EYS: variants seen among roughly 807,000 people sequenced by gnomAD.
The protein encoded by EYS is EGF-like photoreceptor maintenance factor.
EYS carries 250 observed loss-of-function variants against 282.1 expected under a neutral mutation model. The observed-to-expected ratio is 0.89, with a 90% CI of 0.80 to 0.98. EYS has a LOEUF of 0.98. Among genes scored for constraint, EYS ranks in the 50% least tolerant of loss-of-function variants. EYS has a pLI of 0.00. For synonymous variants in EYS, 1,355 were observed against 1,282.9 expected (o/e 1.06, Z -1.20); for missense variants, 4,016 against 3,709.0 (o/e 1.08, Z -2.15).
chr6:63,727,706 C>CAAAAAAA lies in EYS; in HGVS notation c.8072-1033_8072-1027dup, dbSNP rs1169878020. On this transcript the variant is annotated intron_variant, in intron 41 of 42. Transcript: ENST00000503581. ...AGCAACATGGCGAAACACCATCTCT[C>CAAAAAAA]AAAAAAAAAAAAAAAAAAAAAAAAA... Among the ~76,000 whole-genome samples, 15 of 9,526 alleles carry CAAAAAAA rather than the reference C, an allele frequency of 1.6e-3. 4 individuals are homozygous for CAAAAAAA. The highest frequency in any genetic ancestry group is 3.9e-3 in the South Asian group (1 of 254). The allele number at this position is 9,526 out of a possible 152,430, so 6.2% of individuals were successfully genotyped here.
intron 5 of EYS, among the ~76,000 whole-genome samples, chr6:65,405,952 G>C (rs1440299276): frequency 6.6e-6 from 1 of 152,014 alleles, no homozygotes; most frequent in Non-Finnish European, 1.5e-5. Context: ...GGAATTGCTG[G>C]ATTTTATGGA....
At chr6:65,599,962 T>C (rs1272444549) in intron 2 of EYS, among the ~76,000 whole-genome samples, 1 of 152,090 alleles carries the variant, frequency 6.6e-6, no homozygotes, top group Non-Finnish European at 1.5e-5. Context: ...CATCTGCTAG[T>C]GATCACTGCT....
rs150150417 is a variant in EYS at position 65,538,132 on chromosome 6, A to G, written c.-332-42139T>C. Among the ~76,000 whole-genome samples, 101 of 152,316 alleles carry G rather than the reference A, an allele frequency of 6.6e-4. 1 individual carries two copies. The East Asian group carries it at 0.019, about 28-fold the overall frequency. On this transcript the variant is annotated intron_variant, in intron 2 of 42. Transcript: ENST00000503581. ...TGTACTTTAAAGAGTTTCTAGCAAAATAAGTGTTTAATATTGGTGGACAAT... is the reference window on the plus strand; with the variant it reads ...TGTACTTTAAAGAGTTTCTAGCAAAGTAAGTGTTTAATATTGGTGGACAAT...
intron 33 of EYS, among the ~76,000 whole-genome samples, chr6:64,008,909 A>G (rs569444181): frequency 1.2e-4 from 19 of 152,238 alleles, no homozygotes; most frequent in Admixed American, 1.2e-3. Flanking sequence ...CTTTTAATGT[A>G]TTTCAACCTT....
intron 28 of EYS, among the ~76,000 whole-genome samples, chr6:64,431,070 A>G (rs1405009158): frequency 6.6e-6 from 1 of 152,154 alleles, no homozygotes; most frequent in Non-Finnish European, 1.5e-5. Flanking sequence ...GCCATTTGCC[A>G]GGAGCAAAGA....
At chr6:64,376,518 A>G (rs991223698) in intron 29 of EYS, among the ~76,000 whole-genome samples, 1 of 152,232 alleles carries the variant, frequency 6.6e-6, no homozygotes, top group Non-Finnish European at 1.5e-5. Context: ...ACGCATACTG[A>G]GAATTCCAAC....
intron 12 of EYS, among the ~76,000 whole-genome samples, chr6:65,238,053 T>C (rs1162544880): frequency 6.6e-6 from 1 of 151,982 alleles, no homozygotes; most frequent in East Asian, 1.9e-4. Flanking sequence ...TTTAGGTATA[T>C]GTATATAGAT....
In EYS at chr6:64,967,281, T is replaced by C. The variant is rs116441312; in HGVS notation, c.2260-21367A>G. On this transcript the variant is annotated intron_variant, in intron 14 of 42. Coordinates refer to ENST00000503581, the MANE Select transcript of EYS (RefSeq NM_001142800.2). ...ACCATTCATGGGACAAAATCTAAAC[T>C]TACACTTTGGAATAAGCTGTTCACT... is the stretch of plus-strand genomic sequence containing the variant. Among the ~76,000 whole-genome samples the C allele has an allele frequency of 4.2e-3, 644 of 152,092 alleles. 3 individuals carry two copies. The highest frequency in any genetic ancestry group is 7.4e-3 in the Non-Finnish European group (501 of 67,972).
At chr6:63,808,339 A>T (rs1770958294) in intron 36 of EYS, among the ~76,000 whole-genome samples, 1 of 152,252 alleles carries the variant, frequency 6.6e-6, no homozygotes, top group Admixed American at 6.5e-5. Flanking sequence ...AAATGAAACA[A>T]GATAGACAGT....
chr6:63,801,195 C>CT (rs1562032671), intron 37 of EYS, among the ~76,000 whole-genome samples: 11 of 151,698 alleles, frequency 7.3e-5, no homozygotes, highest in Non-Finnish European at 1.5e-4. Flanking sequence ...CATGACTGAG[C>CT]GGAGAGACTA....
intron 22 of EYS, among the ~76,000 whole-genome samples, chr6:64,756,162 T>C (rs1772930098): frequency 1.3e-5 from 2 of 152,206 alleles, no homozygotes; most frequent in Admixed American, 1.3e-4. Flanking sequence ...ATATTTGTTA[T>C]TTTATATGAA....
chr6:65,526,590 G>A (rs941290421), intron 2 of EYS, among the ~76,000 whole-genome samples: 2 of 152,120 alleles, frequency 1.3e-5, no homozygotes, highest in Non-Finnish European at 2.9e-5. Flanking sequence ...TGGATCACGA[G>A]GTCAGGAGAT....
chr6:64,065,971 AAT>A (rs1163410416), intron 33 of EYS, among the ~76,000 whole-genome samples: 2 of 152,208 alleles, frequency 1.3e-5, no homozygotes, highest in African/African-American at 4.8e-5. Context: ...ACATTTAAAA[AAT>A]AGAGTTCAGG....
intron 12 of EYS, among the ~76,000 whole-genome samples, chr6:65,197,471 G>T (rs765635970): frequency 6.6e-5 from 10 of 152,074 alleles, no homozygotes; most frequent in Non-Finnish European, 1.2e-4. Flanking sequence ...GGTGGTCAGT[G>T]GTTTTGAAGA....
intron 12 of EYS, among the ~76,000 whole-genome samples, chr6:65,131,675 A>G (rs1000842206): frequency 4.6e-5 from 7 of 152,002 alleles, no homozygotes; most frequent in African/African-American, 1.7e-4. Context: ...TTAGAGAAGC[A>G]AGAGCAAACC....
intron 29 of EYS, among the ~76,000 whole-genome samples, chr6:64,353,224 T>C (rs1449432108): frequency 1.3e-5 from 2 of 151,558 alleles, no homozygotes; most frequent in African/African-American, 4.8e-5. Flanking sequence ...TTCAGAAGTC[T>C]TTCTGAATAG....
intron 36 of EYS, among the ~76,000 whole-genome samples, chr6:63,819,584 C>T (rs1215776354): frequency 2.0e-5 from 3 of 152,120 alleles, no homozygotes; most frequent in African/African-American, 4.8e-5. Flanking sequence ...GAAGGTTGGC[C>T]CAGTTGATGC....
chr6:65,248,832 A>G (rs372779097), intron 12 of EYS, among the ~76,000 whole-genome samples: 1 of 152,008 alleles, frequency 6.6e-6, no homozygotes, highest in Non-Finnish European at 1.5e-5. Flanking sequence ...ACTCATTTTC[A>G]TTAAAGTGTG....
rs542528056 is a variant in EYS, at chr6:64,376,263, G to A, written c.6078+12427C>T. Among the ~76,000 whole-genome samples, 3 of 152,272 alleles carry A rather than the reference G, an allele frequency of 2.0e-5. No homozygotes were observed. In the East Asian group the frequency reaches 5.8e-4, roughly 29 times the overall value. ...GGGAAACCTTCCTTGAGGAATTGGAGGACAGGACAACAGGAGCTTCCTGGG... is the reference window on the plus strand; with the variant it reads ...GGGAAACCTTCCTTGAGGAATTGGAAGACAGGACAACAGGAGCTTCCTGGG... On this transcript the variant is annotated intron_variant, in intron 29 of 42. Coordinates refer to ENST00000503581, the MANE Select transcript of EYS (RefSeq NM_001142800.2).
Sources: gnomAD v4.1 joint callset for allele counts (sites outside exome capture counted in the v4.1 genomes callset) on GRCh38, gnomAD v4.1.1 for gene constraint, MANE v1.5 for transcripts, NCBI Gene and HGNC (gene_info 2026-07-23, HGNC 2026-07-21) for gene names.